Variants in MARCHF1 observed in about 807,000 individuals in gnomAD.
The protein encoded by MARCHF1 is membrane associated ring-CH-type finger 1.
A neutral mutation model predicts 54.2 loss-of-function variants in MARCHF1; 40 were observed. The ratio of observed to expected loss-of-function variants is 0.74; its 90% CI spans 0.57 to 0.96. MARCHF1 has a LOEUF of 0.96. Among genes scored for constraint, MARCHF1 ranks in the 40% least tolerant of loss-of-function variants. MARCHF1 has a pLI of 0.00. For missense variants in MARCHF1, 586 were observed against 656.5 expected (o/e 0.89, Z 1.17); for synonymous variants, 236 against 236.3 (o/e 1.00, Z 0.01).
chr4:163,642,225 T>A (rs1237761573), intron 5 of MARCHF1, among the ~76,000 whole-genome samples: 1 of 152,236 alleles, frequency 6.6e-6, no homozygotes, highest in Non-Finnish European at 1.5e-5. Flanking sequence ...GAAGGTAATT[T>A]AAGACCTGAT....
chr4:163,667,751 G>A (rs1242358557), intron 5 of MARCHF1, among the ~76,000 whole-genome samples: 5 of 151,620 alleles, frequency 3.3e-5, no homozygotes, highest in East Asian at 2.0e-4. Flanking sequence ...TCAGCCTCCC[G>A]AGTAACTGGA....
intron 2 of MARCHF1, among the ~76,000 whole-genome samples, chr4:164,076,136 TAACAACAACAACAAC>T (rs57287504): frequency 0.011 from 1,650 of 150,466 alleles, 23 homozygotes; most frequent in African/African-American, 0.037. Flanking sequence ...AATAATTTTC[TAACAACAACAACAAC>T]AACAACAACA....
intron 1 of MARCHF1, among the ~76,000 whole-genome samples, chr4:164,365,408 C>A (rs962874508): frequency 8.6e-5 from 13 of 151,948 alleles, no homozygotes; most frequent in African/African-American, 2.9e-4. Context: ...CTAGATCTTT[C>A]TTGTTTCATA....
intron 1 of MARCHF1, among the ~76,000 whole-genome samples, chr4:164,226,584 A>C (rs964525565): frequency 1.4e-4 from 22 of 152,130 alleles, no homozygotes; most frequent in Non-Finnish European, 2.2e-4. Context: ...ATGTGTAATA[A>C]AAGATATGTA....
intron 1 of MARCHF1, among the ~76,000 whole-genome samples, chr4:164,326,219 T>C (rs1735277253): frequency 1.3e-5 from 2 of 152,280 alleles, no homozygotes; most frequent in East Asian, 1.9e-4. Context: ...TAGCAAGTTA[T>C]CAAATGGGGT....
At chr4:164,301,248 T>C (rs563408533) in intron 1 of MARCHF1, among the ~76,000 whole-genome samples, 27 of 152,160 alleles carry the variant, frequency 1.8e-4, no homozygotes, top group Non-Finnish European at 3.4e-4. Context: ...GCAGAAGCTA[T>C]GGCAATGGCT....
chr4:163,646,423 T>C (rs1016393302), intron 5 of MARCHF1, among the ~76,000 whole-genome samples: 12 of 152,106 alleles, frequency 7.9e-5, no homozygotes, highest in South Asian at 2.1e-4. Context: ...ATTAATAATA[T>C]GAAAACATAT....
intron 5 of MARCHF1, among the ~76,000 whole-genome samples, chr4:163,672,640 C>A (rs1174183544): frequency 6.6e-6 from 1 of 152,058 alleles, no homozygotes; most frequent in Non-Finnish European, 1.5e-5. Context: ...TTGTTTTTAA[C>A]TACCATTGAA....
chr4:163,905,099 C>G (rs919914705), intron 3 of MARCHF1, among the ~76,000 whole-genome samples: 1 of 151,998 alleles, frequency 6.6e-6, no homozygotes, highest in Non-Finnish European at 1.5e-5. Context: ...CCCTAAAGGT[C>G]TTACTTTGAT....
intron 4 of MARCHF1, among the ~76,000 whole-genome samples, chr4:163,723,923 G>A (rs984869710): frequency 7.9e-5 from 12 of 152,256 alleles, no homozygotes; most frequent in East Asian, 3.9e-4. Context: ...TTAGCCATTC[G>A]TCTAATCTTT....
intron 1 of MARCHF1, among the ~76,000 whole-genome samples, chr4:164,113,065 C>A (rs74645259): frequency 1.4e-4 from 21 of 151,634 alleles, no homozygotes; most frequent in African/African-American, 5.1e-4. Context: ...TGTCTTCCAG[C>A]TTTAACTGTG....
chr4:163,708,892 G>A (rs901313891), intron 4 of MARCHF1, among the ~76,000 whole-genome samples: 1 of 152,038 alleles, frequency 6.6e-6, no homozygotes, highest in African/African-American at 2.4e-5. Flanking sequence ...AATTATATAT[G>A]GGTATGATGT....
At chr4:164,152,876 A>G (rs1219640602) in intron 1 of MARCHF1, among the ~76,000 whole-genome samples, 1 of 152,104 alleles carries the variant, frequency 6.6e-6, no homozygotes. Flanking sequence ...ATAGCCTGGA[A>G]GTCCACCCCC....
intron 1 of MARCHF1, among the ~76,000 whole-genome samples, chr4:164,358,961 T>C (rs1478836175): frequency 1.3e-5 from 2 of 152,140 alleles, no homozygotes; most frequent in Non-Finnish European, 2.9e-5. Flanking sequence ...TTAAAATATA[T>C]GGAGGAAAAT....
intron 1 of MARCHF1, among the ~76,000 whole-genome samples, chr4:164,364,466 T>C (rs553262309): frequency 1.4e-4 from 22 of 152,180 alleles, no homozygotes; most frequent in African/African-American, 5.1e-4. Flanking sequence ...ACAAAGGAAA[T>C]TGTTTAACTC....
chr4:164,133,392 T>A (rs1295186926), intron 1 of MARCHF1, among the ~76,000 whole-genome samples: 1 of 152,230 alleles, frequency 6.6e-6, no homozygotes, highest in Non-Finnish European at 1.5e-5. Context: ...GACATTTTTA[T>A]CTACTGTCAT....
At chr4:164,163,157 C>G (rs28799382) in intron 1 of MARCHF1, among the ~76,000 whole-genome samples, 1,970 of 151,676 alleles carry the variant, frequency 0.013, 41 homozygotes, top group African/African-American at 0.042. Flanking sequence ...ATTATCCCAC[C>G]TAGAAGATCC....
chr4:163,596,970 A>ATTG (rs1740796148), intron 7 of MARCHF1, among the ~76,000 whole-genome samples: 1 of 151,838 alleles, frequency 6.6e-6, no homozygotes, highest in East Asian at 1.9e-4. Context: ...TATTATTATT[A>ATTG]TTTGAGACGG....
At chr4:163,796,131 C>T (rs1440531157) in intron 4 of MARCHF1, among the ~76,000 whole-genome samples, 3 of 151,640 alleles carry the variant, frequency 2.0e-5, no homozygotes, top group African/African-American at 7.3e-5. Flanking sequence ...TCAGTGAACC[C>T]AGGAAGTTCC....
Sources: gnomAD v4.1 joint callset for allele counts (sites outside exome capture counted in the v4.1 genomes callset) on GRCh38, gnomAD v4.1.1 for gene constraint, MANE v1.5 for transcripts, NCBI Gene and HGNC (gene_info 2026-07-23, HGNC 2026-07-21) for gene names.